SPATA17: variants seen among roughly 807,000 people sequenced by gnomAD.
SPATA17 encodes spermatogenesis-associated protein 17.
A neutral mutation model predicts 62.2 loss-of-function variants in SPATA17; 53 were observed. The observed-to-expected ratio is 0.85, with a 90% CI of 0.68 to 1.07. The LOEUF (loss-of-function observed/expected upper bound fraction) is 1.07. Among genes scored for constraint, SPATA17 ranks in the 50% least tolerant of loss-of-function variants. The probability of loss-of-function intolerance (pLI) is 0.00; values close to 1 mark genes in which losing one functional copy is unlikely to be tolerated. For missense variants in SPATA17, 466 were observed against 425.5 expected (o/e 1.10, Z -0.84); for synonymous variants, 146 against 146.8 (o/e 0.99, Z 0.04).
At chr1:217,838,535 T>C (rs1427251582) in intron 9 of SPATA17, among the ~76,000 whole-genome samples, 1 of 152,074 alleles carries the variant, frequency 6.6e-6, no homozygotes, top group Non-Finnish European at 1.5e-5. Context: ...AATTAACTAA[T>C]AGTAAATCCA....
At chr1:217,731,294 C>T (rs564342905) in intron 5 of SPATA17, among the ~76,000 whole-genome samples, 26 of 152,144 alleles carry the variant, frequency 1.7e-4, no homozygotes, top group South Asian at 1.5e-3. Context: ...ATTCTTCCAC[C>T]GAGACCTCTA....
intron 5 of SPATA17, among the ~76,000 whole-genome samples, chr1:217,736,257 C>G (rs1441501444): frequency 3.3e-5 from 5 of 152,102 alleles, no homozygotes; most frequent in African/African-American, 1.2e-4. Context: ...CTCTCTAGTT[C>G]TTATCATCAT....
At chr1:217,853,098 T>A (rs1415975856) in intron 9 of SPATA17, among the ~76,000 whole-genome samples, 1 of 152,124 alleles carries the variant, frequency 6.6e-6, no homozygotes, top group Non-Finnish European at 1.5e-5. Context: ...TAATATTTTT[T>A]AAAAGAAAGA....
intron 9 of SPATA17, among the ~76,000 whole-genome samples, chr1:217,836,128 C>T (rs944394750): frequency 1.3e-5 from 2 of 152,090 alleles, no homozygotes; most frequent in African/African-American, 4.8e-5. Flanking sequence ...GCTGGCCTTG[C>T]GTGAATTAAA....
chr1:217,751,210 A>G (rs1424172759), intron 6 of SPATA17, among the ~76,000 whole-genome samples: 1 of 152,210 alleles, frequency 6.6e-6, no homozygotes, highest in Non-Finnish European at 1.5e-5. Context: ...TGTAATTTAG[A>G]TATCTGTGGT....
intron 5 of SPATA17, among the ~76,000 whole-genome samples, chr1:217,689,351 G>A (rs912765210): frequency 2.0e-5 from 3 of 146,684 alleles, no homozygotes; most frequent in African/African-American, 5.0e-5. Flanking sequence ...TCAGCTTCCC[G>A]AGTAGCTGGG....
chr1:217,800,407 G>A (rs186335580), intron 8 of SPATA17, among the ~76,000 whole-genome samples: 1 of 152,184 alleles, frequency 6.6e-6, no homozygotes, highest in African/African-American at 2.4e-5. Context: ...GAGTTCAATG[G>A]CCAGTCTTTG....
At chr1:217,642,350 T>C (rs1269809354) in intron 1 of SPATA17, among the ~76,000 whole-genome samples, 2 of 152,198 alleles carry the variant, frequency 1.3e-5, no homozygotes, top group African/African-American at 4.8e-5. Context: ...TAGTTTCCTA[T>C]TTTATTCAGT....
intron 1 of SPATA17, among the ~76,000 whole-genome samples, chr1:217,634,504 C>A (rs1213421480): frequency 6.6e-6 from 1 of 152,100 alleles, no homozygotes; most frequent in East Asian, 1.9e-4. Flanking sequence ...CCATCAAGTG[C>A]AGCATCTGCA....
rs72728807 is a variant in SPATA17, at chr1:217,709,737, G to A, written c.395+26376G>A. On this transcript the variant is annotated intron_variant, in intron 5 of 10. Coordinates refer to ENST00000366933, the MANE Select transcript of SPATA17 (RefSeq NM_138796.4). ...GGCAGTCTTGTCTTTCACACTCAGT[G>A]ATGCACATATTGTATTTCAAAAACC... 8.8e-3 allele frequency among the ~76,000 whole-genome samples: 1,338 copies of A among 152,284 alleles called. 15 individuals are homozygous for A. The highest frequency in any genetic ancestry group is 0.013 in the Non-Finnish European group (867 of 68,024).
At chr1:217,821,544 C>CA (rs1186849443) in intron 9 of SPATA17, among the ~76,000 whole-genome samples, 5 of 151,804 alleles carry the variant, frequency 3.3e-5, no homozygotes, top group Non-Finnish European at 7.4e-5. Flanking sequence ...GATTCAATGA[C>CA]AATATGGGAG....
intron 6 of SPATA17, among the ~76,000 whole-genome samples, chr1:217,761,802 A>G (rs1404942273): frequency 6.6e-6 from 1 of 152,204 alleles, no homozygotes; most frequent in Non-Finnish European, 1.5e-5. Flanking sequence ...TGTCCCAGAA[A>G]GTTCTTTAAA....
chr1:217,859,919 A>G (rs1675863380), intron 9 of SPATA17, among the ~76,000 whole-genome samples: 1 of 151,706 alleles, frequency 6.6e-6, no homozygotes, highest in Non-Finnish European at 1.5e-5. Flanking sequence ...CTCTGATTTT[A>G]TTATTTCTTT....
At chr1:217,638,379 A>G (rs1034191113) in intron 1 of SPATA17, among the ~76,000 whole-genome samples, 2 of 152,172 alleles carry the variant, frequency 1.3e-5, no homozygotes, top group Non-Finnish European at 2.9e-5. Context: ...TGCTGCTGGA[A>G]TACAATAGAG....
At chr1:217,754,619 T>C (rs1442724721) in intron 6 of SPATA17, among the ~76,000 whole-genome samples, 2 of 152,208 alleles carry the variant, frequency 1.3e-5, no homozygotes, top group Non-Finnish European at 1.5e-5. Context: ...TGATTTATCC[T>C]AGCTCTTCAG....
At chr1:217,761,632 A>G (rs1553250352) in intron 6 of SPATA17, among the ~76,000 whole-genome samples, 1 of 152,148 alleles carries the variant, frequency 6.6e-6, no homozygotes, top group Non-Finnish European at 1.5e-5. Flanking sequence ...AGGGTGGACT[A>G]GGGGTAGGGG....
At chr1:217,753,845 C>T (rs763707868) in intron 6 of SPATA17, among the ~76,000 whole-genome samples, 5 of 152,066 alleles carry the variant, frequency 3.3e-5, no homozygotes, top group Non-Finnish European at 7.4e-5. Context: ...TCCACTTACC[C>T]CAGAACACCA....
intron 9 of SPATA17, among the ~76,000 whole-genome samples, chr1:217,844,253 A>G (rs1675475557): frequency 6.6e-6 from 1 of 152,128 alleles, no homozygotes; most frequent in African/African-American, 2.4e-5. Flanking sequence ...CGACTTTTAT[A>G]GGAAGCAGTA....
rs559133025 is a variant in SPATA17 at position 217,786,742 on chromosome 1, A to T, written c.872+4420A>T. ...AGAACTAAAATGATAGAAGGATTTG[A>T]TATTCTCTTTCTTCTTCTTCTTCTT... is the stretch of plus-strand genomic sequence containing the variant. On this transcript the variant is annotated intron_variant, in intron 8 of 10. Transcript: ENST00000366933. Among the ~76,000 whole-genome samples, 4 of 102,278 alleles carry T rather than the reference A, an allele frequency of 3.9e-5. No homozygotes were observed. The East Asian group carries it at 8.8e-4, about 23-fold the overall frequency. The allele number at this position is 102,278 out of a possible 152,430, so 67.1% of individuals were successfully genotyped here.
Sources: allele counts gnomAD v4.1 joint callset (sites outside exome capture counted in the v4.1 genomes callset), GRCh38; gene constraint gnomAD v4.1.1; transcripts MANE v1.5; gene names NCBI Gene and HGNC (gene_info 2026-07-23, HGNC 2026-07-21).